LARGE1: variants seen among roughly 807,000 people sequenced by gnomAD.
The protein encoded by LARGE1 is LARGE xylosyl- and glucuronyltransferase 1.
LARGE1 carries 43 observed loss-of-function variants against 87.6 expected under a neutral mutation model. The ratio of observed to expected loss-of-function variants is 0.49; its 90% CI spans 0.38 to 0.63. The LOEUF is 0.63. Ranked by LOEUF, LARGE1 falls within the 30% of genes least tolerant of loss-of-function variation. LARGE1 has a pLI of 0.00. For synonymous variants in LARGE1, 434 were observed against 394.6 expected (o/e 1.10, Z -1.18); for missense variants, 802 against 1,000.2 (o/e 0.80, Z 2.67).
chr22:33,392,554 G>A (rs754083070), intron 7 of LARGE1, among the ~76,000 whole-genome samples: 1 of 152,148 alleles, frequency 6.6e-6, no homozygotes, highest in Non-Finnish European at 1.5e-5. Context: ...AGTTACTTAG[G>A]AGGCTGAGGC....
chr22:33,353,767 T>C (rs893884512), intron 9 of LARGE1, among the ~76,000 whole-genome samples: 1 of 152,156 alleles, frequency 6.6e-6, no homozygotes, highest in African/African-American at 2.4e-5. Flanking sequence ...GTGGAATCAT[T>C]AGAGGTACAG....
At chr22:33,268,856 T>C (rs1159915502), downstream of LARGE1, among the ~76,000 whole-genome samples, 1 of 152,214 alleles carries the variant, frequency 6.6e-6, no homozygotes, top group African/African-American at 2.4e-5. Flanking sequence ...ATCTCAGAAA[T>C]GTATACATGT....
chr22:33,784,048 A>G (rs969857682), intron 1 of LARGE1, among the ~76,000 whole-genome samples: 1 of 152,144 alleles, frequency 6.6e-6, no homozygotes, highest in Non-Finnish European at 1.5e-5. Context: ...GATTACCTCC[A>G]ATCCATCCTT....
intron 6 of LARGE1, among the ~76,000 whole-genome samples, chr22:33,496,444 G>C (rs2070122641): frequency 6.6e-6 from 1 of 152,078 alleles, no homozygotes; most frequent in Non-Finnish European, 1.5e-5. Flanking sequence ...GAGGCACAGA[G>C]AGCTACCCTG....
chr22:33,751,539 C>T (rs2084316297), intron 2 of LARGE1, among the ~76,000 whole-genome samples: 1 of 151,824 alleles, frequency 6.6e-6, no homozygotes, highest in Admixed American at 6.6e-5. Flanking sequence ...TTATTAGCAG[C>T]ATCCCAAAGT....
the LARGE1 span, among the ~76,000 whole-genome samples, chr22:33,121,784 G>A: frequency 5.3e-5 from 8 of 152,146 alleles, no homozygotes; most frequent in Admixed American, 5.2e-4. Flanking sequence ...ATGAACTCAC[G>A]GTTCCACATG....
At chr22:33,289,774 C>A (rs1932198838) in intron 12 of LARGE1, among the ~76,000 whole-genome samples, 1 of 152,136 alleles carries the variant, frequency 6.6e-6, no homozygotes, top group Non-Finnish European at 1.5e-5. Context: ...GCAGAGCTAA[C>A]CAGTGGGGAA....
rs145434947 is a variant in LARGE1 at position 33,878,296 on chromosome 22, C to T, written c.-83+41699G>A. Among the ~76,000 whole-genome samples, 767 of 151,058 alleles carry T rather than the reference C, an allele frequency of 5.1e-3. 6 individuals are homozygous for T. The highest frequency in any genetic ancestry group is 0.017 in the African/African-American group (706 of 41,278). The stretch of plus-strand genomic sequence containing the variant: ...GGGACTATAGGCACCCGCCATCACG[C>T]CCAGCTAATTTTTGTATTTTTAGTA... On this transcript the variant is annotated intron_variant, in intron 1 of 14. Transcript: ENST00000397394.
chr22:33,735,701 G>A (rs2083631215), intron 2 of LARGE1, among the ~76,000 whole-genome samples: 1 of 152,094 alleles, frequency 6.6e-6, no homozygotes, highest in Non-Finnish European at 1.5e-5. Flanking sequence ...ACATTTCAGT[G>A]GTTTTTAGGG....
intron 5 of LARGE1, among the ~76,000 whole-genome samples, chr22:33,570,049 C>A (rs1180742127): frequency 6.6e-6 from 1 of 152,096 alleles, no homozygotes; most frequent in East Asian, 1.9e-4. Flanking sequence ...TTTGTTGAGC[C>A]CTGAAGCCTG....
At chr22:33,380,754 C>T (rs1245995359) in intron 9 of LARGE1, among the ~76,000 whole-genome samples, 2 of 152,156 alleles carry the variant, frequency 1.3e-5, no homozygotes, top group Non-Finnish European at 2.9e-5. Context: ...ATCCTTTTTC[C>T]TTTTTAAAAC....
At chr22:33,833,661 CA>C (rs2063034500) in intron 1 of LARGE1, among the ~76,000 whole-genome samples, 1 of 152,106 alleles carries the variant, frequency 6.6e-6, no homozygotes, top group Non-Finnish European at 1.5e-5. Context: ...TCTTTGTGCA[CA>C]ATTATTGTCA....
chr22:33,178,962 C>T (rs1923020648), intron 11 of LARGE1, among the ~76,000 whole-genome samples: 1 of 152,028 alleles, frequency 6.6e-6, no homozygotes, highest in African/African-American at 2.4e-5. Flanking sequence ...AGCATGATAC[C>T]AGCATCTGGT....
At chr22:33,608,008 C>T (rs1166253404) in intron 4 of LARGE1, among the ~76,000 whole-genome samples, 2 of 152,190 alleles carry the variant, frequency 1.3e-5, no homozygotes, top group African/African-American at 4.8e-5. Context: ...AGGGACAATG[C>T]TGTGTTTGCC....
the LARGE1 span, among the ~76,000 whole-genome samples, chr22:33,093,269 G>A: frequency 6.6e-6 from 1 of 152,188 alleles, no homozygotes; most frequent in South Asian, 2.1e-4. Flanking sequence ...GGTTGTAACT[G>A]TAAGGGGTGA....
chr22:33,813,727 C>T (rs1353081053), intron 1 of LARGE1, among the ~76,000 whole-genome samples: 1 of 152,132 alleles, frequency 6.6e-6, no homozygotes, highest in Non-Finnish European at 1.5e-5. Flanking sequence ...GCCCAGGTAC[C>T]CTTGAACTCC....
intron 1 of LARGE1, among the ~76,000 whole-genome samples, chr22:33,818,854 T>A (rs1213394212): frequency 6.6e-6 from 1 of 152,150 alleles, no homozygotes; most frequent in Non-Finnish European, 1.5e-5. Flanking sequence ...AGTCCAGGAC[T>A]TCCCCCACCT....
chr22:33,126,797 A>G, the LARGE1 span, among the ~76,000 whole-genome samples: 5 of 152,224 alleles, frequency 3.3e-5, no homozygotes, highest in Non-Finnish European at 7.3e-5. Flanking sequence ...CTTCATTCTC[A>G]TATACTGCTA....
chr22:33,354,079 G>T (rs1020784275), intron 9 of LARGE1, among the ~76,000 whole-genome samples: 2 of 152,234 alleles, frequency 1.3e-5, no homozygotes, highest in African/African-American at 4.8e-5. Context: ...GTGAAGAAAG[G>T]ATGGTTGCTG....
Sources: allele counts gnomAD v4.1 joint callset (sites outside exome capture counted in the v4.1 genomes callset), GRCh38; gene constraint gnomAD v4.1.1; transcripts MANE v1.5; gene names NCBI Gene and HGNC (gene_info 2026-07-23, HGNC 2026-07-21).